Variants in MACROD2 observed in about 807,000 individuals in gnomAD.
The protein encoded by MACROD2 is ADP-ribose glycohydrolase MACROD2.
MACROD2 carries 36 observed loss-of-function variants against 70.4 expected under a neutral mutation model. The ratio of observed to expected loss-of-function variants is 0.51; its 90% CI spans 0.39 to 0.68. The LOEUF is 0.68. Among genes scored for constraint, MACROD2 ranks in the 30% least tolerant of loss-of-function variants. The pLI is 0.00. For missense variants in MACROD2, 496 were observed against 538.4 expected, an observed-to-expected ratio of 0.92 and a Z score of 0.78; for synonymous variants, 172 against 178.8, an observed-to-expected ratio of 0.96 and a Z score of 0.30.
At chr20:14,420,649 C>T (rs2083865812) in intron 3 of MACROD2, among the ~76,000 whole-genome samples, 1 of 152,014 alleles carries the variant, frequency 6.6e-6, no homozygotes, top group African/African-American at 2.4e-5. Flanking sequence ...AGATGATTTG[C>T]AAATATTTTC....
At chr20:15,227,005 G>A (rs938826472) in intron 5 of MACROD2, among the ~76,000 whole-genome samples, 1 of 152,056 alleles carries the variant, frequency 6.6e-6, no homozygotes, top group African/African-American at 2.4e-5. Flanking sequence ...AAATAATGAA[G>A]GAGATTTCCT....
At chr20:15,139,561 T>A (rs1423328481) in intron 5 of MACROD2, among the ~76,000 whole-genome samples, 1 of 152,180 alleles carries the variant, frequency 6.6e-6, no homozygotes, top group Non-Finnish European at 1.5e-5. Flanking sequence ...GGGCTAAGGA[T>A]GCAGGAGCTG....
At chr20:14,084,057 G>A (rs1427613246) in intron 2 of MACROD2, among the ~76,000 whole-genome samples, 8 of 38,652 alleles carry the variant, frequency 2.1e-4, no homozygotes, top group South Asian at 2.8e-3. Flanking sequence ...GCGAGACTCC[G>A]TCTCAAAAAA....
At chr20:15,336,083 G>C (rs540505651) in intron 6 of MACROD2, among the ~76,000 whole-genome samples, 1 of 151,630 alleles carries the variant, frequency 6.6e-6, no homozygotes, top group East Asian at 1.9e-4. Flanking sequence ...ACAATCCCAG[G>C]CCAGACAAAA....
intron 3 of MACROD2, among the ~76,000 whole-genome samples, chr20:14,218,798 G>C (rs2081645678): frequency 6.6e-6 from 1 of 152,164 alleles, no homozygotes; most frequent in Non-Finnish European, 1.5e-5. Context: ...ATGATGGTTA[G>C]TTTCCCTGGA....
intron 5 of MACROD2, among the ~76,000 whole-genome samples, chr20:15,143,974 A>AAACC (rs2076211985): frequency 6.8e-6 from 1 of 146,300 alleles, no homozygotes; most frequent in African/African-American, 2.5e-5. Context: ...AAAAAAAAAA[A>AAACC]ACCTCATAAT....
rs2067212186 is a variant in MACROD2, at chr20:16,035,136, TTATATA to T, written c.1154-6063_1154-6058del. On this transcript the variant is annotated intron_variant, in intron 15 of 17. Coordinates refer to ENST00000684519, the MANE Select transcript of MACROD2 (RefSeq NM_001351661.2). ...AAAATATAATATAAAATATTATATA[TTATATA>T]TTATATATAAAATATAATATAAAAT... is the stretch of plus-strand genomic sequence containing the variant. Among the ~76,000 whole-genome samples the T allele has an allele frequency of 1.8e-4, 14 of 77,054 alleles. 1 individual carries two copies. Among genetic ancestry groups the T allele is most frequent in the African/African-American group, 5.0e-4 (12 of 23,962 alleles). 50.6% of individuals were successfully genotyped at this position (77,054 alleles called of 152,430 possible).
intron 7 of MACROD2, among the ~76,000 whole-genome samples, chr20:15,494,473 C>A (rs986903466): frequency 1.3e-5 from 2 of 152,088 alleles, no homozygotes; most frequent in African/African-American, 4.8e-5. Flanking sequence ...AATATCCATA[C>A]AATGGAATGC....
intron 6 of MACROD2, among the ~76,000 whole-genome samples, chr20:15,241,285 C>G (rs1292160149): frequency 6.6e-6 from 1 of 152,166 alleles, no homozygotes; most frequent in Non-Finnish European, 1.5e-5. Flanking sequence ...GGTCAAAGTA[C>G]TTGAGATATA....
At chr20:15,243,729 C>A (rs1568664211) in intron 6 of MACROD2, among the ~76,000 whole-genome samples, 2 of 151,480 alleles carry the variant, frequency 1.3e-5, no homozygotes, top group Non-Finnish European at 2.9e-5. Context: ...TCCTGGCTAA[C>A]ACGGTGAAAC....
At chr20:14,145,216 A>C (rs1357528078) in intron 3 of MACROD2, among the ~76,000 whole-genome samples, 1 of 152,234 alleles carries the variant, frequency 6.6e-6, no homozygotes, top group Non-Finnish European at 1.5e-5. Flanking sequence ...TTGTTTCACC[A>C]CAGTTTTTTT....
chr20:15,887,753 C>T (rs201312183), intron 10 of MACROD2, among the ~76,000 whole-genome samples: 1 of 152,114 alleles, frequency 6.6e-6, no homozygotes, highest in African/African-American at 2.4e-5. Flanking sequence ...AAAGGAAGAA[C>T]GTAAGACTAA....
intron 5 of MACROD2, among the ~76,000 whole-genome samples, chr20:15,138,761 A>G (rs1300763725): frequency 6.6e-6 from 1 of 152,212 alleles, no homozygotes; most frequent in Non-Finnish European, 1.5e-5. Context: ...AGTGATAAAA[A>G]TTAATGTGTT....
At chr20:14,682,067 C>G (rs1279072621) in intron 4 of MACROD2, among the ~76,000 whole-genome samples, 1 of 152,132 alleles carries the variant, frequency 6.6e-6, no homozygotes, top group East Asian at 1.9e-4. Context: ...TAGACTTTCA[C>G]TGCCCGAGTG....
chr20:14,230,654 T>TATATATATATATATATATATATAAAAAA, intron 3 of MACROD2, among the ~76,000 whole-genome samples: 18 of 74,234 alleles, frequency 2.4e-4, no homozygotes, highest in Admixed American at 7.1e-4. Context: ...TATATATATA[T>TATATATATATATATATATATATAAAAAA]AACACAGGCT....
intron 5 of MACROD2, among the ~76,000 whole-genome samples, chr20:14,746,321 T>G (rs566149793): frequency 1.3e-5 from 2 of 152,294 alleles, no homozygotes; most frequent in African/African-American, 4.8e-5. Flanking sequence ...GGAGCTGACA[T>G]AAAAGTATTT....
At chr20:16,022,180 A>G (rs1255433838) in intron 15 of MACROD2, among the ~76,000 whole-genome samples, 7 of 150,916 alleles carry the variant, frequency 4.6e-5, no homozygotes, top group Non-Finnish European at 8.8e-5. Context: ...CCTCCTGCGT[A>G]GCAGGGACTA....
intron 5 of MACROD2, among the ~76,000 whole-genome samples, chr20:14,784,983 G>T (rs2072349926): frequency 6.6e-6 from 1 of 151,970 alleles, no homozygotes; most frequent in South Asian, 2.1e-4. Context: ...TTTCTGAGAA[G>T]AAAGAAAACT....
In MACROD2 at chr20:16,033,941, G is replaced by C. The variant is rs112352560; in HGVS notation, c.1154-7260G>C. On this transcript the variant is annotated intron_variant, in intron 15 of 17. Coordinates refer to ENST00000684519, the MANE Select transcript of MACROD2 (RefSeq NM_001351661.2). ...TCAATGAGAGAAGGAATTTCTAGAA[G>C]TTGGAGTTGTGGTTTGTTGAATGGC... Among the ~76,000 whole-genome samples the C allele has an allele frequency of 1.0e-2, 1,521 of 152,104 alleles. 22 individuals are homozygous for C. The highest frequency in any genetic ancestry group is 0.034 in the African/African-American group (1,393 of 41,522).
Sources: allele counts gnomAD v4.1 joint callset (sites outside exome capture counted in the v4.1 genomes callset), GRCh38; gene constraint gnomAD v4.1.1; transcripts MANE v1.5; gene names NCBI Gene and HGNC (gene_info 2026-07-23, HGNC 2026-07-21).